The following AUTS2 variants were observed in gnomAD, a reference collection of about 807,000 sequenced individuals.
The protein encoded by AUTS2 is autism susceptibility gene 2 protein.
In AUTS2, 17 loss-of-function variants were observed where a neutral mutation model predicts 112.4. That is an observed-to-expected ratio of 0.15 (90% CI 0.10 to 0.23). The LOEUF is 0.23. Ranked by LOEUF, AUTS2 falls within the 10% of genes least tolerant of loss-of-function variation. AUTS2 has a pLI of 1.00. For missense variants in AUTS2, 1,510 were observed against 1,701.6 expected (o/e 0.89, Z 1.98); for synonymous variants, 751 against 702.7 (o/e 1.07, Z -1.09).
intron 2 of AUTS2, among the ~76,000 whole-genome samples, chr7:70,050,272 G>A (rs1399042607): frequency 2.2e-5 from 3 of 139,062 alleles, no homozygotes; most frequent in Non-Finnish European, 3.0e-5. Context: ...CAGGAGAATC[G>A]CTTGAATCCA....
rs561506814 is a variant in AUTS2, at chr7:69,764,976, C to CGTGA, written c.310-134307_310-134304dup. Among the ~76,000 whole-genome samples, 1,199 of 152,178 alleles carry CGTGA rather than the reference C, an allele frequency of 7.9e-3. 21 individuals are homozygous for CGTGA. The highest frequency in any genetic ancestry group is 0.057 in the South Asian group (274 of 4,826). ...TCTCCCTTTCTTTCCAGGCTACCCA[C>CGTGA]GTGAGTACGTTGATAATATTTCTGA... On this transcript the variant is annotated intron_variant, in intron 1 of 18. Coordinates refer to ENST00000342771, the MANE Select transcript of AUTS2 (RefSeq NM_015570.4).
chr7:70,055,708 G>C (rs192170930), intron 2 of AUTS2, among the ~76,000 whole-genome samples: 3 of 152,118 alleles, frequency 2.0e-5, no homozygotes, highest in Non-Finnish European at 2.9e-5. Flanking sequence ...TTTAAGGTGG[G>C]TATGGGTATT....
At position 70,043,030 on chromosome 7, in the gene AUTS2, A is replaced by C. The variant is rs112354088; in HGVS notation, c.523-75102A>C. 6.0e-3 allele frequency among the ~76,000 whole-genome samples: 906 copies of C among 152,262 alleles called. 14 individuals carry two copies. The highest frequency in any genetic ancestry group is 0.021 in the African/African-American group (864 of 41,556). On this transcript the variant is annotated intron_variant, in intron 2 of 18. Coordinates refer to ENST00000342771, the MANE Select transcript of AUTS2 (RefSeq NM_015570.4). ...GGGCACACTCACTAAAAAAAAAAAA[A>C]AAACCTTGCAGAGCTTAAAATGTTT...
chr7:69,620,265 T>G (rs1793593942), intron 1 of AUTS2, among the ~76,000 whole-genome samples: 1 of 152,222 alleles, frequency 6.6e-6, no homozygotes, highest in African/African-American at 2.4e-5. Flanking sequence ...TCTAGGGCTC[T>G]CTACTGGGCA....
At chr7:69,842,535 G>C (rs569596160) in intron 1 of AUTS2, among the ~76,000 whole-genome samples, 2 of 152,316 alleles carry the variant, frequency 1.3e-5, no homozygotes, top group South Asian at 2.1e-4. Context: ...GTGTGTGACA[G>C]GGAAGTAGTG....
At chr7:70,140,553 C>A (rs1486805469) in intron 4 of AUTS2, among the ~76,000 whole-genome samples, 2 of 152,142 alleles carry the variant, frequency 1.3e-5, no homozygotes, top group African/African-American at 4.8e-5. Flanking sequence ...CCCCACTTGG[C>A]AGTACTTGCT....
intron 7 of AUTS2, among the ~76,000 whole-genome samples, 176 bp from the exon 8 acceptor site, chr7:70,764,576 A>G (rs140093123): frequency 6.6e-6 from 1 of 152,176 alleles, no homozygotes; most frequent in Non-Finnish European, 1.5e-5. Flanking sequence ...GCGATGGGAA[A>G]GTTTGCAGGA....
intron 1 of AUTS2, among the ~76,000 whole-genome samples, chr7:69,822,562 A>G (rs1167137660): frequency 6.6e-6 from 1 of 152,184 alleles, no homozygotes; most frequent in Non-Finnish European, 1.5e-5. Context: ...TTATAATTGG[A>G]CAGTTGTTGA....
intron 1 of AUTS2, among the ~76,000 whole-genome samples, chr7:69,769,843 A>G (rs1212623784): frequency 6.6e-6 from 1 of 152,240 alleles, no homozygotes; most frequent in Non-Finnish European, 1.5e-5. Flanking sequence ...AATGGAGATA[A>G]TTCTAGTCAT....
At chr7:69,883,365 C>T (rs1794140266) in intron 1 of AUTS2, among the ~76,000 whole-genome samples, 1 of 148,662 alleles carries the variant, frequency 6.7e-6, no homozygotes. Flanking sequence ...ATCCATAGTA[C>T]TCATTGGTGC....
chr7:70,486,908 C>CAAA (rs1554410190), intron 5 of AUTS2, among the ~76,000 whole-genome samples: 2 of 118,860 alleles, frequency 1.7e-5, no homozygotes, highest in African/African-American at 6.7e-5. Flanking sequence ...CCCCCCCCCC[C>CAAA]AAAAAAAAAG....
chr7:69,728,257 T>A (rs1786613369), intron 1 of AUTS2, among the ~76,000 whole-genome samples: 1 of 152,250 alleles, frequency 6.6e-6, no homozygotes, highest in South Asian at 2.1e-4. Context: ...CGCTGCCTTG[T>A]GTGGCTCCTA....
intron 5 of AUTS2, among the ~76,000 whole-genome samples, chr7:70,543,215 T>C (rs545846209): frequency 3.3e-5 from 5 of 152,002 alleles, no homozygotes; most frequent in Non-Finnish European, 5.9e-5. Context: ...ATAAAAATGG[T>C]TTAAGGAAGG....
intron 5 of AUTS2, among the ~76,000 whole-genome samples, chr7:70,536,945 A>G (rs1038280613): frequency 6.6e-6 from 1 of 152,112 alleles, no homozygotes; most frequent in Non-Finnish European, 1.5e-5. Flanking sequence ...ACAGGAAGGA[A>G]TGTGTTAGCA....
intron 1 of AUTS2, among the ~76,000 whole-genome samples, chr7:69,601,762 T>A (rs556847362): frequency 6.6e-6 from 1 of 152,244 alleles, no homozygotes; most frequent in Non-Finnish European, 1.5e-5. Context: ...TGGGTGGTGG[T>A]TACCATACAG....
intron 5 of AUTS2, among the ~76,000 whole-genome samples, chr7:70,515,428 G>C (rs944289290): frequency 6.6e-6 from 1 of 152,186 alleles, no homozygotes; most frequent in Non-Finnish European, 1.5e-5. Flanking sequence ...ATGCTAGTGA[G>C]AATTCAGTGG....
chr7:70,010,925 A>G (rs144207934), intron 2 of AUTS2, among the ~76,000 whole-genome samples: 4 of 152,306 alleles, frequency 2.6e-5, no homozygotes, highest in Admixed American at 2.6e-4. Context: ...CCCAGGGTCA[A>G]AGCTTCATTG....
intron 4 of AUTS2, among the ~76,000 whole-genome samples, chr7:70,207,739 T>C (rs893810045): frequency 6.6e-6 from 1 of 152,110 alleles, no homozygotes; most frequent in African/African-American, 2.4e-5. Context: ...CGGCTGGGCA[T>C]GGTGGCTCAC....
intron 4 of AUTS2, among the ~76,000 whole-genome samples, chr7:70,360,537 GACA>G (rs1792213299): frequency 6.6e-6 from 1 of 152,200 alleles, no homozygotes; most frequent in Non-Finnish European, 1.5e-5. Context: ...CACACTAGAA[GACA>G]ACAATAATAC....
Sources: gnomAD v4.1 joint callset for allele counts (sites outside exome capture counted in the v4.1 genomes callset) on GRCh38, gnomAD v4.1.1 for gene constraint, MANE v1.5 for transcripts, NCBI Gene and HGNC (gene_info 2026-07-23, HGNC 2026-07-21) for gene names.